The following ARHGAP24 variants were observed in gnomAD, a reference collection of about 807,000 sequenced individuals.
The protein encoded by ARHGAP24 is Rho GTPase activating protein 24, also known as rho GTPase-activating protein 24.
ARHGAP24 carries 50 observed loss-of-function variants against 76.4 expected under a neutral mutation model. The ratio of observed to expected loss-of-function variants is 0.65; its 90% CI spans 0.52 to 0.83. The LOEUF is 0.83. Ranked by LOEUF, ARHGAP24 falls within the 40% of genes least tolerant of loss-of-function variation. ARHGAP24 has a pLI of 0.00. For synonymous variants in ARHGAP24, 345 were observed against 323.3 expected (o/e 1.07, Z -0.72); for missense variants, 930 against 914.2 (o/e 1.02, Z -0.22).
chr4:85,669,318 A>G (rs1346616148), intron 2 of ARHGAP24, among the ~76,000 whole-genome samples: 1 of 152,058 alleles, frequency 6.6e-6, no homozygotes, highest in African/African-American at 2.4e-5. Flanking sequence ...AGCCTGATTT[A>G]GGTTTCAGGG....
chr4:85,864,013 G>A (rs1397452179), intron 3 of ARHGAP24, among the ~76,000 whole-genome samples: 5 of 152,120 alleles, frequency 3.3e-5, no homozygotes, highest in African/African-American at 1.2e-4. Context: ...GAGAAGAGGA[G>A]AAGACTGGTC....
At chr4:85,835,194 G>A (rs1244546447) in intron 3 of ARHGAP24, among the ~76,000 whole-genome samples, 2 of 151,890 alleles carry the variant, frequency 1.3e-5, no homozygotes, top group Non-Finnish European at 2.9e-5. Flanking sequence ...GTAAGTCTAT[G>A]CAGGCTTGTT....
At chr4:85,549,073 G>A (rs1202116451) in intron 1 of ARHGAP24, among the ~76,000 whole-genome samples, 1 of 151,300 alleles carries the variant, frequency 6.6e-6, no homozygotes, top group African/African-American at 2.4e-5. Context: ...GTAGCATTTG[G>A]GTTACTTCCA....
chr4:85,945,489 C>T (rs568623332), intron 5 of ARHGAP24, among the ~76,000 whole-genome samples: 12 of 151,266 alleles, frequency 7.9e-5, no homozygotes, highest in African/African-American at 2.2e-4. Flanking sequence ...AAGGCCTGAG[C>T]GGGGTGGCTC....
intron 6 of ARHGAP24, among the ~76,000 whole-genome samples, chr4:85,974,431 A>G (rs532364253): frequency 6.6e-5 from 10 of 152,324 alleles, no homozygotes; most frequent in African/African-American, 1.9e-4. Context: ...TTCCAGAAAG[A>G]TCACTTTTTT....
At chr4:85,612,083 T>TACACACACACACAC (rs34030905) in intron 2 of ARHGAP24, among the ~76,000 whole-genome samples, 1,575 of 143,814 alleles carry the variant, frequency 0.011, 22 homozygotes, top group Admixed American at 0.031. Flanking sequence ...TTCATTACAT[T>TACACACACACACAC]ACACACACAC....
At chr4:85,849,977 A>G (rs1357047140) in intron 3 of ARHGAP24, among the ~76,000 whole-genome samples, 1 of 152,056 alleles carries the variant, frequency 6.6e-6, no homozygotes, top group Non-Finnish European at 1.5e-5. Flanking sequence ...TGAGTTAGGG[A>G]GGATTCTCTC....
chr4:85,665,078 T>C (rs1006647126), intron 2 of ARHGAP24, among the ~76,000 whole-genome samples: 2 of 152,014 alleles, frequency 1.3e-5, no homozygotes, highest in African/African-American at 4.8e-5. Flanking sequence ...TTGTTAACTT[T>C]CTGTCTCGTT....
At chr4:85,793,905 T>C (rs1728234226) in intron 3 of ARHGAP24, among the ~76,000 whole-genome samples, 1 of 152,152 alleles carries the variant, frequency 6.6e-6, no homozygotes. Context: ...ATAGAACAGT[T>C]TTTAAGAGAA....
At chr4:85,537,854 T>C (rs190792231) in intron 1 of ARHGAP24, among the ~76,000 whole-genome samples, 3 of 152,310 alleles carry the variant, frequency 2.0e-5, no homozygotes, top group Admixed American at 6.5e-5. Flanking sequence ...ATATGGTGCG[T>C]ACAAGTCATC....
At chr4:85,490,468 G>A (rs1397322373) in intron 1 of ARHGAP24, among the ~76,000 whole-genome samples, 1 of 152,092 alleles carries the variant, frequency 6.6e-6, no homozygotes, top group Non-Finnish European at 1.5e-5. Flanking sequence ...TAGTTCTTTT[G>A]CTTTGCAATT....
chr4:85,957,433 T>C (rs1737981260), intron 5 of ARHGAP24, among the ~76,000 whole-genome samples: 1 of 152,198 alleles, frequency 6.6e-6, no homozygotes, highest in Non-Finnish European at 1.5e-5. Flanking sequence ...CCTAAGGCCC[T>C]CTGTTGATTT....
chr4:85,764,122 G>T (rs535431532), intron 3 of ARHGAP24, among the ~76,000 whole-genome samples: 1 of 151,840 alleles, frequency 6.6e-6, no homozygotes, highest in Non-Finnish European at 1.5e-5. Flanking sequence ...TACTAACAAT[G>T]AGAGTTTCTG....
chr4:85,929,880 C>T (rs1186560370), intron 4 of ARHGAP24, among the ~76,000 whole-genome samples: 1 of 152,182 alleles, frequency 6.6e-6, no homozygotes, highest in Non-Finnish European at 1.5e-5. Flanking sequence ...AAAAAGTTTA[C>T]CCCCTGGGGG....
chr4:85,850,240 G>T (rs1392360776), intron 3 of ARHGAP24, among the ~76,000 whole-genome samples: 15 of 152,152 alleles, frequency 9.9e-5, no homozygotes, highest in African/African-American at 3.6e-4. Context: ...TTGCGTAGAG[G>T]TGTTTATAGT....
chr4:85,867,094 G>T (rs561447358), intron 3 of ARHGAP24, among the ~76,000 whole-genome samples: 1 of 152,194 alleles, frequency 6.6e-6, no homozygotes, highest in Admixed American at 6.6e-5. Context: ...CTAGACAGGG[G>T]TATTTGAACA....
At position 85,972,109 on chromosome 4, in the gene ARHGAP24, T is replaced by A. The variant is rs1312584975; in HGVS notation, c.673T>A (p.Tyr225Asn). Residue 225 changes from tyrosine (Y) to asparagine (N), a missense_variant, in exon 6 of 10, where the codon TAT becomes AAT. By Grantham distance (143) the Tyr-to-Asn change is moderately radical. Coordinates refer to ENST00000395184, the MANE Select transcript of ARHGAP24 (RefSeq NM_001025616.3). The part of the protein sequence containing the change: ...LRELPEPVIP[Y>N]AKYEDFLSCA... Reference sequence around the variant, plus strand: ...AGAACTTCCAGAACCAGTTATTCCTTATGCGAAGTATGAAGATTTTTTGTC... The same window carrying A: ...AGAACTTCCAGAACCAGTTATTCCTAATGCGAAGTATGAAGATTTTTTGTC... The A allele has an allele frequency of 1.3e-5, 21 of 1,613,936 alleles. No homozygotes were observed. Among genetic ancestry groups the A allele is most frequent in the Non-Finnish European group, 1.8e-5 (21 of 1,180,006 alleles).
At chr4:85,579,146 G>GT (rs1197925433) in intron 2 of ARHGAP24, among the ~76,000 whole-genome samples, 1 of 152,080 alleles carries the variant, frequency 6.6e-6, no homozygotes, top group Non-Finnish European at 1.5e-5. Flanking sequence ...GACAGCACTG[G>GT]TTTTCTGGTT....
chr4:85,737,525 G>T (rs557039671), intron 3 of ARHGAP24, among the ~76,000 whole-genome samples: 2 of 152,164 alleles, frequency 1.3e-5, no homozygotes, highest in Non-Finnish European at 2.9e-5. Flanking sequence ...AAGCACAATG[G>T]CTCAGTATGT....
Sources: gnomAD v4.1 joint callset for allele counts (sites outside exome capture counted in the v4.1 genomes callset) on GRCh38, gnomAD v4.1.1 for gene constraint, MANE v1.5 for transcripts, NCBI Gene and HGNC (gene_info 2026-07-23, HGNC 2026-07-21) for gene names.